The following CMSS1 variants were observed in gnomAD, a reference collection of about 807,000 sequenced individuals.
CMSS1 encodes protein CMSS1.
In CMSS1, 33 loss-of-function variants were observed where a neutral mutation model predicts 43.5. The observed-to-expected ratio is 0.76, with a 90% CI of 0.57 to 1.01. The LOEUF (loss-of-function observed/expected upper bound fraction) is 1.01, where lower values mean the gene tolerates loss of function less well. Among genes scored for constraint, CMSS1 ranks in the 50% least tolerant of loss-of-function variants. CMSS1 has a pLI of 0.00. For synonymous variants in CMSS1, 115 were observed against 117.2 expected (o/e 0.98, Z 0.12); for missense variants, 313 against 326.4 (o/e 0.96, Z 0.32).
chr3:99,985,022 G>A (rs184271309), intron 1 of CMSS1, among the ~76,000 whole-genome samples: 8 of 152,318 alleles, frequency 5.3e-5, no homozygotes, highest in African/African-American at 1.2e-4. Flanking sequence ...AGGGGTTGCC[G>A]TGAGGAAGGT....
chr3:100,124,190 T>C (rs1186320836), intron 1 of CMSS1, among the ~76,000 whole-genome samples: 2 of 150,174 alleles, frequency 1.3e-5, no homozygotes, highest in Non-Finnish European at 1.5e-5. Context: ...AACATTCCTA[T>C]TTTTTTTTTC....
intron 1 of CMSS1, among the ~76,000 whole-genome samples, chr3:100,122,874 A>G (rs1359035262): frequency 6.6e-6 from 1 of 152,238 alleles, no homozygotes; most frequent in Non-Finnish European, 1.5e-5. Flanking sequence ...TATTTATGGT[A>G]GTAAAAACAT....
At chr3:99,883,024 A>T (rs1315862805) in intron 1 of CMSS1, among the ~76,000 whole-genome samples, 1 of 138,906 alleles carries the variant, frequency 7.2e-6, no homozygotes, top group Non-Finnish European at 1.7e-5. Flanking sequence ...GGTTCTGTAC[A>T]TGAGAAATTC....
chr3:100,063,871 C>T (rs913904990), intron 1 of CMSS1, among the ~76,000 whole-genome samples: 12 of 152,210 alleles, frequency 7.9e-5, no homozygotes, highest in Non-Finnish European at 1.8e-4. Flanking sequence ...TGTTCTGTTA[C>T]TTGAAGTATA....
intron 6 of CMSS1, 78 bp downstream of exon 6, chr3:100,167,918 C>A: frequency 1.0e-6 from 1 of 956,214 alleles, no homozygotes; most frequent in Non-Finnish European, 1.6e-6. Context: ...GTTCTATGTG[C>A]TGGAGATGTA....
intron 1 of CMSS1, among the ~76,000 whole-genome samples, chr3:100,143,144 G>A (rs1167450905): frequency 6.6e-6 from 1 of 152,164 alleles, no homozygotes; most frequent in Non-Finnish European, 1.5e-5. Context: ...GCCAATATAA[G>A]AATTTTCACA....
chr3:100,043,724 T>C (rs536884998), intron 1 of CMSS1, among the ~76,000 whole-genome samples: 3 of 152,352 alleles, frequency 2.0e-5, no homozygotes, highest in South Asian at 4.1e-4. Flanking sequence ...TACAATGTGA[T>C]ATTTTAATCT....
intron 1 of CMSS1, among the ~76,000 whole-genome samples, chr3:100,081,736 T>C (rs1027937207): frequency 2.0e-5 from 3 of 152,162 alleles, no homozygotes; most frequent in African/African-American, 7.2e-5. Context: ...ATACATCACA[T>C]CTTTTTATTA....
rs184831788 is a variant in CMSS1 at position 99,950,475 on chromosome 3, A to C, written c.64+132432A>C. On this transcript the variant is annotated intron_variant, in intron 1 of 9. Transcript: ENST00000421999. ...ATGATGCACATGTCCTATTCCTGAG[A>C]TTTTTTCACTTCTTTATATTATCTT... is the stretch of plus-strand genomic sequence containing the variant. Among the ~76,000 whole-genome samples the C allele has an allele frequency of 2.0e-5, 3 of 152,214 alleles. No individual in the cohort carries two copies. The East Asian group carries it at 5.8e-4, about 29-fold the overall frequency.
chr3:99,952,322 A>G (rs1374119958), intron 1 of CMSS1, among the ~76,000 whole-genome samples: 3 of 152,212 alleles, frequency 2.0e-5, no homozygotes, highest in Non-Finnish European at 4.4e-5. Context: ...GTATTTTCAT[A>G]ATGAGCAAAT....
intron 1 of CMSS1, among the ~76,000 whole-genome samples, chr3:100,101,882 G>C (rs1023639858): frequency 4.6e-4 from 70 of 152,000 alleles, no homozygotes; most frequent in African/African-American, 1.6e-3. Flanking sequence ...TTGGTTTTTT[G>C]TCCTTGCGAT....
At chr3:100,115,583 C>CG in intron 1 of CMSS1, among the ~76,000 whole-genome samples, 1 of 39,088 alleles carries the variant, frequency 2.6e-5, no homozygotes. Context: ...CTGTCTCTCT[C>CG]TCTCTCTCTC....
intron 1 of CMSS1, among the ~76,000 whole-genome samples, chr3:100,091,700 G>A (rs2066113110): frequency 6.6e-6 from 1 of 152,084 alleles, no homozygotes; most frequent in Non-Finnish European, 1.5e-5. Context: ...TCTCTGACAA[G>A]AATAAAAATA....
chr3:99,897,225 G>A (rs1204515142), intron 1 of CMSS1, among the ~76,000 whole-genome samples: 2 of 152,188 alleles, frequency 1.3e-5, no homozygotes, highest in East Asian at 3.9e-4. Context: ...CGGGTGTTGT[G>A]GTGCACACCT....
chr3:100,129,031 A>C (rs1489458883), intron 1 of CMSS1, among the ~76,000 whole-genome samples: 1 of 152,186 alleles, frequency 6.6e-6, no homozygotes, highest in Non-Finnish European at 1.5e-5. Flanking sequence ...GTGCCACCAC[A>C]GTCAGTATAC....
At chr3:100,110,973 AACAGTC>A (rs1241872967) in intron 1 of CMSS1, among the ~76,000 whole-genome samples, 1 of 152,166 alleles carries the variant, frequency 6.6e-6, no homozygotes, top group African/African-American at 2.4e-5. Flanking sequence ...TCCTGTCCTA[AACAGTC>A]ACAAACTTTT....
At chr3:100,153,684 C>A (rs926300819) in intron 2 of CMSS1, among the ~76,000 whole-genome samples, 22 of 152,002 alleles carry the variant, frequency 1.4e-4, no homozygotes, top group African/African-American at 5.3e-4. Flanking sequence ...CTTTAAAGGC[C>A]CTATCTCCAA....
chr3:99,924,988 C>T (rs1018964718), intron 1 of CMSS1, among the ~76,000 whole-genome samples: 3 of 152,236 alleles, frequency 2.0e-5, no homozygotes, highest in Admixed American at 2.0e-4. Context: ...CTCTTTCTGA[C>T]ACTCTTATGT....
chr3:100,010,612 C>CTTTT (rs71625546), intron 1 of CMSS1, among the ~76,000 whole-genome samples: 1 of 141,476 alleles, frequency 7.1e-6, no homozygotes, highest in Non-Finnish European at 1.5e-5. Flanking sequence ...GTTTTTCTTT[C>CTTTT]TTTTTTTTTT....
Sources: allele counts gnomAD v4.1 joint callset (sites outside exome capture counted in the v4.1 genomes callset), GRCh38; gene constraint gnomAD v4.1.1; transcripts MANE v1.5; gene names NCBI Gene and HGNC (gene_info 2026-07-23, HGNC 2026-07-21).